The following NF1 variants were observed in gnomAD, a reference collection of about 807,000 sequenced individuals.
The protein encoded by NF1 is neurofibromin 1, also known as neurofibromin.
In NF1, 122 loss-of-function variants were observed where a neutral mutation model predicts 325.7. The observed-to-expected ratio is 0.37, with a 90% CI of 0.32 to 0.44. The LOEUF (loss-of-function observed/expected upper bound fraction) is 0.44, where lower values mean the gene tolerates loss of function less well. Ranked by LOEUF, NF1 falls within the 20% of genes least tolerant of loss-of-function variation. NF1 has a pLI of 1.00. For missense variants in NF1, 2,140 were observed against 3,415.4 expected, an observed-to-expected ratio of 0.63 and a Z score of 9.31; for synonymous variants, 1,091 against 1,186.0, an observed-to-expected ratio of 0.92 and a Z score of 1.65.
At chr17:31,176,376 A>G (rs959185931) in intron 5 of NF1, among the ~76,000 whole-genome samples, 6 of 151,916 alleles carry the variant, frequency 3.9e-5, no homozygotes, top group African/African-American at 1.5e-4. Flanking sequence ...TTTTCTTGTA[A>G]ATTTAAGTTC....
intron 36 of NF1, among the ~76,000 whole-genome samples, chr17:31,307,555 A>C (rs1274206569): frequency 6.6e-6 from 1 of 152,176 alleles, no homozygotes; most frequent in Non-Finnish European, 1.5e-5. Flanking sequence ...TAAAACTTGG[A>C]GAGTTAAGTT....
chr17:31,244,693 G>A (rs1165633714), intron 29 of NF1, among the ~76,000 whole-genome samples: 6 of 152,188 alleles, frequency 3.9e-5, no homozygotes, highest in Non-Finnish European at 8.8e-5. Context: ...GGAGGTGAAG[G>A]AAGGGTGGTA....
chr17:31,370,728 G>T (rs1445540504), intron 57 of NF1, among the ~76,000 whole-genome samples: 2 of 152,174 alleles, frequency 1.3e-5, no homozygotes, highest in Admixed American at 1.3e-4. Context: ...TGGTCTAGTA[G>T]TAGCAAGACA....
At chr17:31,103,335 C>T (rs773953372) in intron 1 of NF1, among the ~76,000 whole-genome samples, 11 of 150,262 alleles carry the variant, frequency 7.3e-5, no homozygotes, top group Non-Finnish European at 1.6e-4. Context: ...CTCTGCCTCC[C>T]GGGTTCAAGT....
chr17:31,297,450 T>TG (rs2068490937), intron 36 of NF1: 1 of 152,206 alleles, frequency 6.6e-6, no homozygotes, highest in Non-Finnish European at 1.5e-5. Context: ...TGCTATAGGA[T>TG]GGGATACCTT....
chr17:31,125,856 G>A (rs1914839638), intron 1 of NF1, among the ~76,000 whole-genome samples: 1 of 152,150 alleles, frequency 6.6e-6, no homozygotes, highest in Admixed American at 6.5e-5. Flanking sequence ...TTTTTAAAGT[G>A]ATTGAATCAG....
chr17:31,339,143 C>G (rs1173527828), intron 46 of NF1, among the ~76,000 whole-genome samples: 1 of 152,018 alleles, frequency 6.6e-6, no homozygotes, highest in Non-Finnish European at 1.5e-5. Context: ...CTAACAAAGC[C>G]CATAAAACTC....
Position 31,318,388 on chromosome 17 carries a change from A to C in NF1, c.4836-7432A>C, listed in dbSNP as rs759197449. The C allele has an allele frequency of 1.2e-5, 19 of 1,613,964 alleles. No individual in the cohort carries two copies. The Admixed American group carries it at 3.2e-4, about 27-fold the overall frequency. Reference sequence around the variant, plus strand: ...AGCTGTGAGCACTCCAGTAGATTGCATCACTAGGTTGGGTCCTGTGAGCTG... The same window carrying C: ...AGCTGTGAGCACTCCAGTAGATTGCCTCACTAGGTTGGGTCCTGTGAGCTG... On this transcript the variant is annotated intron_variant, in intron 36 of 57. Coordinates refer to ENST00000358273, the MANE Select transcript of NF1 (RefSeq NM_001042492.3).
intron 1 of NF1, among the ~76,000 whole-genome samples, chr17:31,154,216 C>G (rs1220984813): frequency 6.6e-6 from 1 of 151,792 alleles, no homozygotes; most frequent in Admixed American, 6.6e-5. Flanking sequence ...CCACCACGCT[C>G]GGCTAACTTT....
intron 36 of NF1, among the ~76,000 whole-genome samples, chr17:31,289,088 A>G (rs1403110157): frequency 8.5e-5 from 13 of 152,172 alleles, no homozygotes; most frequent in Non-Finnish European, 1.5e-4. Flanking sequence ...CAAAAAAACA[A>G]ACTTCTAGGG....
At position 31,350,336 on chromosome 17, in the gene NF1, C is replaced by A. The variant is rs756350149; in HGVS notation, c.7457+18C>A. Reference sequence around the variant, plus strand: ...TCCTATAGGTAAGTGGATTTACTCTCCTATAATTACATAATCATAATCAAG... The same window carrying A: ...TCCTATAGGTAAGTGGATTTACTCTACTATAATTACATAATCATAATCAAG... On this transcript the variant is annotated intron_variant, in intron 50 of 57. Coordinates refer to ENST00000358273, the MANE Select transcript of NF1 (RefSeq NM_001042492.3). The A allele has an allele frequency of 6.2e-7, 1 of 1,604,456 alleles. No homozygotes were observed. The highest frequency in any genetic ancestry group is 1.1e-5 in the South Asian group (1 of 90,888).
chr17:31,162,128 G>A (rs1258001382), intron 3 of NF1, among the ~76,000 whole-genome samples: 1 of 151,442 alleles, frequency 6.6e-6, no homozygotes, highest in Non-Finnish European at 1.5e-5. Context: ...ATTAAATCAA[G>A]GATATGGAAC....
Position 31,120,980 on chromosome 17 carries a change from A to AAAAC in NF1, c.60+25613_60+25616dup, listed in dbSNP as rs1313236058. Among the ~76,000 whole-genome samples the AAAAC allele has an allele frequency of 3.3e-5, 5 of 152,368 alleles. No individual in the cohort carries two copies. The East Asian group carries it at 9.6e-4, about 29-fold the overall frequency. On this transcript the variant is annotated intron_variant, in intron 1 of 57. Transcript: ENST00000358273. ...AACACAACATATACCAAAATTTAAT[A>AAAAC]AAACACTAAATTAAAAGAGTGCATT...
intron 5 of NF1, among the ~76,000 whole-genome samples, chr17:31,177,127 C>G (rs2066038332): frequency 6.6e-6 from 1 of 152,086 alleles, no homozygotes; most frequent in Non-Finnish European, 1.5e-5. Context: ...TTGATTCTTC[C>G]TATCGATGAG....
At chr17:31,142,161 C>G (rs1567808490) in intron 1 of NF1, among the ~76,000 whole-genome samples, 2 of 152,132 alleles carry the variant, frequency 1.3e-5, no homozygotes, top group Admixed American at 6.5e-5. Context: ...GCTAAATCCT[C>G]TTGTTTGTTG....
At chr17:31,135,962 T>C (rs1428069739) in intron 1 of NF1, among the ~76,000 whole-genome samples, 4 of 152,068 alleles carry the variant, frequency 2.6e-5, no homozygotes, top group African/African-American at 9.7e-5. Flanking sequence ...TTCATTTTAC[T>C]TCTGCTTGAA....
chr17:31,203,773 C>T (rs768839825), intron 11 of NF1, among the ~76,000 whole-genome samples: 1 of 152,040 alleles, frequency 6.6e-6, no homozygotes, highest in Non-Finnish European at 1.5e-5. Context: ...AGCCAGTCCA[C>T]ACATTTTTTT....
chr17:31,313,724 G>A (rs55970504), intron 36 of NF1, among the ~76,000 whole-genome samples: 1,856 of 23,724 alleles, frequency 0.078, 33 homozygotes, highest in African/African-American at 0.21. Flanking sequence ...AAAAAAATAT[G>A]TGTGTGTGTG....
chr17:31,155,841 A>G, intron 1 of NF1, 142 bp from the exon 2 acceptor site: 5 of 874,928 alleles, frequency 5.7e-6, no homozygotes, highest in South Asian at 4.8e-5. Context: ...TTGATTGAAA[A>G]TCGGAGTTTG....
Sources: allele counts gnomAD v4.1 joint callset (sites outside exome capture counted in the v4.1 genomes callset), GRCh38; gene constraint gnomAD v4.1.1; transcripts MANE v1.5; gene names NCBI Gene and HGNC (gene_info 2026-07-23, HGNC 2026-07-21).